Variants in SLC13A3 observed in about 807,000 individuals in gnomAD.
The protein encoded by SLC13A3 is Na(+)/dicarboxylate cotransporter 3.
SLC13A3 carries 40 observed loss-of-function variants against 59.0 expected under a neutral mutation model. The ratio of observed to expected loss-of-function variants is 0.68; its 90% CI spans 0.53 to 0.88. The LOEUF (loss-of-function observed/expected upper bound fraction) is 0.88. Among genes scored for constraint, SLC13A3 ranks in the 40% least tolerant of loss-of-function variants. The pLI, the probability that SLC13A3 is intolerant of heterozygous loss-of-function variation, is 0.00. For missense variants in SLC13A3, 699 were observed against 783.2 expected (o/e 0.89, Z 1.28); for synonymous variants, 317 against 330.3 (o/e 0.96, Z 0.44).
intron 9 of SLC13A3, among the ~76,000 whole-genome samples, chr20:46,580,246 G>A (rs139373315): frequency 6.6e-6 from 1 of 152,162 alleles, no homozygotes; most frequent in African/African-American, 2.4e-5. Context: ...GTGAGCCACT[G>A]CGCCCAGCCT....
At chr20:46,643,387 C>A (rs372786682) in intron 1 of SLC13A3, among the ~76,000 whole-genome samples, 2 of 152,104 alleles carry the variant, frequency 1.3e-5, no homozygotes, top group East Asian at 1.9e-4. Flanking sequence ...AAGATCTGAA[C>A]GGAGATCAAT....
rs142386622 is a variant in SLC13A3 at position 46,623,516 on chromosome 20, C to T, written c.112-9791G>A. Among the ~76,000 whole-genome samples the T allele has an allele frequency of 5.4e-3, 821 of 152,266 alleles. 7 individuals carry two copies. Among genetic ancestry groups the T allele is most frequent in the African/African-American group, 0.019 (788 of 41,538 alleles). On this transcript the variant is annotated intron_variant, in intron 1 of 12. Coordinates refer to ENST00000279027, the MANE Select transcript of SLC13A3 (RefSeq NM_022829.6). ...AAGTAGCTGGGATGACAGGCATACA[C>T]TGACACACCTGGATTCAGGAAGGTA...
chr20:46,682,534 G>A (rs2063158509), intron 1 of SLC13A3, among the ~76,000 whole-genome samples: 1 of 151,964 alleles, frequency 6.6e-6, no homozygotes. Context: ...TCAAGTGTTG[G>A]TCGCATCTCG....
chr20:46,616,098 C>T (rs909072489), intron 1 of SLC13A3, among the ~76,000 whole-genome samples: 1 of 152,174 alleles, frequency 6.6e-6, no homozygotes, highest in African/African-American at 2.4e-5. Flanking sequence ...TCAAACTCCA[C>T]AACCAAAAAT....
At chr20:46,584,344 T>C in intron 8 of SLC13A3, 2 of 985,446 alleles carry the variant, frequency 2.0e-6, no homozygotes, top group Non-Finnish European at 1.2e-6. Flanking sequence ...GTAAATTGTA[T>C]TTTTAAAGTT....
intron 1 of SLC13A3, among the ~76,000 whole-genome samples, chr20:46,616,470 A>G (rs1376152811): frequency 2.0e-5 from 3 of 152,148 alleles, no homozygotes; most frequent in African/African-American, 7.2e-5. Flanking sequence ...CTGGCTCTAC[A>G]GATGTGGAGA....
intron 1 of SLC13A3, among the ~76,000 whole-genome samples, chr20:46,622,541 T>A (rs935122493): frequency 6.6e-6 from 1 of 152,104 alleles, no homozygotes; most frequent in African/African-American, 2.4e-5. Context: ...CTTTAAAATA[T>A]GAGGGCAGAT....
At chr20:46,638,581 C>G (rs550457532) in intron 1 of SLC13A3, among the ~76,000 whole-genome samples, 1 of 152,220 alleles carries the variant, frequency 6.6e-6, no homozygotes, top group South Asian at 2.1e-4. Context: ...GTGCCTTTCT[C>G]GTGCCTGGAA....
intron 3 of SLC13A3, among the ~76,000 whole-genome samples, chr20:46,608,225 AATG>A (rs1394279032): frequency 1.3e-5 from 2 of 152,238 alleles, no homozygotes; most frequent in African/African-American, 4.8e-5. Flanking sequence ...TACATTTTCA[AATG>A]GTTGAAAAAC....
At chr20:46,619,592 G>A (rs1352892219) in intron 1 of SLC13A3, among the ~76,000 whole-genome samples, 1 of 152,174 alleles carries the variant, frequency 6.6e-6, no homozygotes, top group East Asian at 1.9e-4. Flanking sequence ...GGCATTCAAA[G>A]CTTATCAGTG....
Position 46,589,222 on chromosome 20 carries a change from G to T in SLC13A3, c.954C>A (p.Thr318=). Residue 318 remains threonine (T), a synonymous_variant, in exon 7 of 13, where the codon ACC becomes ACA. Transcript: ENST00000279027. ...CAGCTCGAGCCCTATCTTCTGCATTGGTTCTTATCTCAGATTTATTCTTCC... is the reference window on the plus strand; with the variant it reads ...CAGCTCGAGCCCTATCTTCTGCATTTGTTCTTATCTCAGATTTATTCTTCC... ...GWRKNKSEIR[T]NAEDRARAVI... 6.2e-7 allele frequency: 1 copy of T among 1,614,156 alleles called. No homozygotes were observed. The highest frequency in any genetic ancestry group is 8.5e-7 in the Non-Finnish European group (1 of 1,180,032).
At chr20:46,635,836 T>C (rs148996163) in intron 1 of SLC13A3, among the ~76,000 whole-genome samples, 1 of 152,162 alleles carries the variant, frequency 6.6e-6, no homozygotes, top group African/African-American at 2.4e-5. Flanking sequence ...AAAACCAAGA[T>C]GGCAAGGAAA....
chr20:46,659,722 C>T (rs552620237), intron 1 of SLC13A3, among the ~76,000 whole-genome samples: 1 of 145,970 alleles, frequency 6.9e-6, no homozygotes, highest in Admixed American at 6.8e-5. Flanking sequence ...TCCCCCCCCC[C>T]CAAAAAAAAA....
intron 5 of SLC13A3, among the ~76,000 whole-genome samples, chr20:46,593,151 T>C (rs2062277298): frequency 6.6e-6 from 1 of 152,184 alleles, no homozygotes; most frequent in African/African-American, 2.4e-5. Context: ...CCTGAAAAGA[T>C]GAAGGGCAAT....
At chr20:46,676,155 C>T (rs2122943442) in intron 1 of SLC13A3, 1 of 152,270 alleles carries the variant, frequency 6.6e-6, no homozygotes, top group East Asian at 1.9e-4. Flanking sequence ...GTGATCTACC[C>T]ACCTCGGCCT....
At chr20:46,670,483 T>C (rs1434923695), upstream of SLC13A3, among the ~76,000 whole-genome samples, 1 of 152,164 alleles carries the variant, frequency 6.6e-6, no homozygotes, top group Non-Finnish European at 1.5e-5. Context: ...CATCAGCAAA[T>C]GTGATGCAAA....
At chr20:46,658,383 A>T (rs569501376) in intron 1 of SLC13A3, among the ~76,000 whole-genome samples, 1 of 152,168 alleles carries the variant, frequency 6.6e-6, no homozygotes, top group Non-Finnish European at 1.5e-5. Context: ...GCATGAGGAA[A>T]TGTATAGGGT....
At chr20:46,658,417 G>T (rs2063007926) in intron 1 of SLC13A3, among the ~76,000 whole-genome samples, 2 of 152,106 alleles carry the variant, frequency 1.3e-5, no homozygotes, top group South Asian at 4.2e-4. Flanking sequence ...TGCTGACTGT[G>T]GTGGTGGTAA....
chr20:46,676,628 C>T (rs1458736123), intron 1 of SLC13A3, among the ~76,000 whole-genome samples: 1 of 151,908 alleles, frequency 6.6e-6, no homozygotes, highest in South Asian at 2.1e-4. Flanking sequence ...CTGTGTCATC[C>T]AGGCTGGAGT....
Sources: allele counts gnomAD v4.1 joint callset (sites outside exome capture counted in the v4.1 genomes callset), GRCh38; gene constraint gnomAD v4.1.1; transcripts MANE v1.5; gene names NCBI Gene and HGNC (gene_info 2026-07-23, HGNC 2026-07-21).